Variants in LPP observed in about 807,000 individuals in gnomAD.
The protein encoded by LPP is LIM domain containing preferred translocation partner in lipoma.
Under a neutral mutation model 60.4 loss-of-function variants are expected in LPP, and 38 were observed. The observed-to-expected ratio is 0.63, with a 90% confidence interval of 0.49 to 0.83. The LOEUF (loss-of-function observed/expected upper bound fraction) is 0.83, where lower values mean the gene tolerates loss of function less well. Ranked by LOEUF, LPP falls within the 40% of genes least tolerant of loss-of-function variation. LPP has a pLI of 0.00. For missense variants in LPP, 902 were observed against 783.6 expected, an observed-to-expected ratio of 1.15 and a Z score of -1.80; for synonymous variants, 328 against 290.8, an observed-to-expected ratio of 1.13 and a Z score of -1.30.
At chr3:188,420,290 T>G (rs1317763735) in intron 4 of LPP, among the ~76,000 whole-genome samples, 1 of 152,194 alleles carries the variant, frequency 6.6e-6, no homozygotes, top group Non-Finnish European at 1.5e-5. Context: ...TAGAATTACT[T>G]TACTTGAACT....
intron 10 of LPP, 96 bp downstream of exon 10, chr3:188,866,474 T>C (rs1200266578): frequency 9.6e-7 from 1 of 1,037,634 alleles, no homozygotes; most frequent in East Asian, 3.2e-5. Context: ...CTCTCAGAAC[T>C]ACAGAATTTC....
In LPP at chr3:188,884,130, T is replaced by C; in HGVS notation, c.*9651T>C. On this transcript the variant is annotated 3_prime_UTR_variant, in exon 12 of 12. Transcript: ENST00000617246. ...ATTCCTAAGAGAGCTTACAAACTGC[T>C]TCCACACAGAAAATAGCGCAGGGAG... is the stretch of plus-strand genomic sequence containing the variant. The C allele has an allele frequency of 4.4e-6, 1 of 225,358 alleles. No homozygotes were observed. The highest frequency in any genetic ancestry group is 8.8e-6 in the Non-Finnish European group (1 of 113,184). 14.0% of individuals were successfully genotyped at this position (225,358 alleles called of 1,614,324 possible).
intron 9 of LPP, among the ~76,000 whole-genome samples, chr3:188,770,746 G>T (rs1407334537): frequency 6.6e-6 from 1 of 152,106 alleles, no homozygotes; most frequent in Non-Finnish European, 1.5e-5. Context: ...TAGTGGGGTT[G>T]GTATGAGGCA....
intron 9 of LPP, among the ~76,000 whole-genome samples, chr3:188,847,387 T>C (rs1207957268): frequency 6.6e-6 from 1 of 152,152 alleles, no homozygotes; most frequent in African/African-American, 2.4e-5. Context: ...ATGAAAGAGA[T>C]GGAGAAATCA....
rs1261028055 is a variant in LPP at position 188,879,081 on chromosome 3, A to C, written c.*4602A>C. The C allele has an allele frequency of 4.4e-6, 1 of 228,108 alleles. No homozygotes were observed. Among genetic ancestry groups the C allele is most frequent in the African/African-American group, 2.2e-5 (1 of 45,102 alleles). The allele number at this position is 228,108 out of a possible 1,614,324, so 14.1% of individuals were successfully genotyped here. On this transcript the variant is annotated 3_prime_UTR_variant, in exon 12 of 12. Transcript: ENST00000617246. Reference sequence around the variant, plus strand: ...CAAAACTTGTTCTCAGTGAGGCATTAATATGGTGCAACCATGAATATTTCA... The same window carrying C: ...CAAAACTTGTTCTCAGTGAGGCATTCATATGGTGCAACCATGAATATTTCA...
intron 7 of LPP, among the ~76,000 whole-genome samples, chr3:188,642,669 G>A (rs761006878): frequency 6.6e-6 from 1 of 152,140 alleles, no homozygotes; most frequent in Non-Finnish European, 1.5e-5. Context: ...AGGTGCGGTG[G>A]CTCACACTTG....
At chr3:188,831,832 C>T (rs2151600814) in intron 9 of LPP, among the ~76,000 whole-genome samples, 1 of 152,332 alleles carries the variant, frequency 6.6e-6, no homozygotes, top group Admixed American at 6.5e-5. Context: ...ATGACTGTTG[C>T]CATATGGGCT....
chr3:188,669,866 A>G (rs896356683), intron 7 of LPP, among the ~76,000 whole-genome samples: 2 of 152,220 alleles, frequency 1.3e-5, no homozygotes, highest in Non-Finnish European at 2.9e-5. Context: ...ATGTCCATCA[A>G]TGATAGACTG....
chr3:188,517,972 G>A (rs941521590), intron 5 of LPP, among the ~76,000 whole-genome samples: 8 of 151,854 alleles, frequency 5.3e-5, no homozygotes, highest in Admixed American at 2.0e-4. Flanking sequence ...ACCTCTCCTC[G>A]CTCTCTCTTC....
intron 8 of LPP, 148 bp from the exon 9 acceptor site, chr3:188,759,965 G>A (rs1349853300): frequency 6.3e-6 from 4 of 639,188 alleles, no homozygotes; most frequent in African/African-American, 5.5e-5. Context: ...ATCTTGCTGG[G>A]GTAATGGGGT....
intron 11 of LPP, 99 bp downstream of exon 11, chr3:188,872,862 G>A (rs2278096): frequency 6.7e-7 from 1 of 1,501,634 alleles, no homozygotes; most frequent in South Asian, 1.2e-5. Context: ...ATCTCAGAAC[G>A]GCCTTAGTGC....
At chr3:188,281,995 G>A (rs2149929906) in intron 2 of LPP, among the ~76,000 whole-genome samples, 2 of 152,040 alleles carry the variant, frequency 1.3e-5, no homozygotes, top group Middle Eastern at 3.4e-3. Flanking sequence ...TTCTCACCTT[G>A]CCCTTTGGGA....
At chr3:188,411,967 T>TTC (rs1359252861) in intron 4 of LPP, among the ~76,000 whole-genome samples, 2 of 62,586 alleles carry the variant, frequency 3.2e-5, no homozygotes, top group African/African-American at 5.5e-5. Flanking sequence ...CTCTCTCTCT[T>TTC]TCTCTGTCTC....
At chr3:188,385,382 C>T (rs1319326661) in intron 3 of LPP, among the ~76,000 whole-genome samples, 1 of 152,156 alleles carries the variant, frequency 6.6e-6, no homozygotes, top group East Asian at 1.9e-4. Context: ...TTGTTCCTTC[C>T]TCGTGACAGA....
chr3:188,240,333 T>C (rs542346032), intron 2 of LPP, among the ~76,000 whole-genome samples: 1 of 150,136 alleles, frequency 6.7e-6, no homozygotes, highest in Admixed American at 6.6e-5. Context: ...GTCAGGAGTT[T>C]TGGGTAAGAG....
rs574217942 is a variant in LPP at position 188,748,602 on chromosome 3, T to C, written c.1241-11511T>C. Among the ~76,000 whole-genome samples the C allele has an allele frequency of 5.1e-4, 78 of 152,160 alleles. 1 individual carries two copies. Among genetic ancestry groups the C allele is most frequent in the African/African-American group, 1.8e-3 (74 of 41,534 alleles). On this transcript the variant is annotated intron_variant, in intron 8 of 11. Coordinates refer to ENST00000617246, the MANE Select transcript of LPP (RefSeq NM_001375462.1). ...TTTGAGATCAGCCTGGCTAACATAG[T>C]GAAACCCCGTTTCTACTAAAAATAC...
rs1242355751 is a variant in LPP at position 188,243,444 on chromosome 3, G to A, written c.-67+17917G>A. On this transcript the variant is annotated intron_variant, in intron 2 of 11. Coordinates refer to ENST00000617246, the MANE Select transcript of LPP (RefSeq NM_001375462.1). The stretch of plus-strand genomic sequence containing the variant: ...CAATTTAAGTAGAGAACAAACCTCC[G>A]GGGGCTTGGGGTGGTGTCTCAGAAG... Among the ~76,000 whole-genome samples, 9 of 152,168 alleles carry A rather than the reference G, an allele frequency of 5.9e-5. No homozygotes were observed. In the East Asian group the frequency reaches 1.2e-3, roughly 20 times the overall value.
At chr3:188,268,701 T>C (rs1417497505) in intron 2 of LPP, among the ~76,000 whole-genome samples, 1 of 152,198 alleles carries the variant, frequency 6.6e-6, no homozygotes, top group Non-Finnish European at 1.5e-5. Flanking sequence ...AGTTCACAGT[T>C]AGGTAGAGAA....
In LPP at chr3:188,553,156, T is replaced by A. The variant is rs77187273; in HGVS notation, c.429+28369T>A. Among the ~76,000 whole-genome samples, 1,516 of 152,288 alleles carry A rather than the reference T, an allele frequency of 1.0e-2. 9 individuals carry two copies. Among genetic ancestry groups the A allele is most frequent in the Non-Finnish European group, 0.015 (1,039 of 68,016 alleles). ...GTAGCTTGTGGTACCCAACCATCCT[T>A]CGCATTTTAAACATGGGAAAATGAA... On this transcript the variant is annotated intron_variant, in intron 6 of 11. Transcript: ENST00000617246.
Sources: gnomAD v4.1 joint callset for allele counts (sites outside exome capture counted in the v4.1 genomes callset) on GRCh38, gnomAD v4.1.1 for gene constraint, MANE v1.5 for transcripts, NCBI Gene and HGNC (gene_info 2026-07-23, HGNC 2026-07-21) for gene names.